The following FHIT variants were observed in gnomAD, a reference collection of about 807,000 sequenced individuals.
The protein encoded by FHIT is bis(5'-adenosyl)-triphosphatase.
A neutral mutation model predicts 17.9 loss-of-function variants in FHIT; 19 were observed. The ratio of observed to expected loss-of-function variants is 1.06; its 90% confidence interval spans 0.74 to 1.56. The LOEUF is 1.56. Among genes scored for constraint, FHIT ranks in the 40% most tolerant of loss-of-function variants. The probability of loss-of-function intolerance (pLI) is 0.00; values close to 1 mark genes in which losing one functional copy is unlikely to be tolerated. For missense variants in FHIT, 248 were observed against 189.2 expected, an observed-to-expected ratio of 1.31 and a Z score of -1.82; for synonymous variants, 81 against 69.7, an observed-to-expected ratio of 1.16 and a Z score of -0.81.
chr3:59,752,205 G>T lies in FHIT; in HGVS notation c.*5+16C>A. The T allele has an allele frequency of 2.5e-6, 4 of 1,582,536 alleles. No individual in the cohort carries two copies. The highest frequency in any genetic ancestry group is 2.6e-6 in the Non-Finnish European group (3 of 1,154,062). ...CCCACGGGAGGGTCTGGGTAATGAC[G>T]AAATGCAGTCTTTACCTGTGTCACT... On this transcript the variant is annotated intron_variant, in intron 9 of 9. Coordinates refer to ENST00000492590, the MANE Select transcript of FHIT (RefSeq NM_002012.4).
intron 4 of FHIT, among the ~76,000 whole-genome samples, chr3:60,734,915 T>C (rs1401048188): frequency 6.6e-6 from 1 of 152,242 alleles, no homozygotes; most frequent in African/African-American, 2.4e-5. Context: ...AAATAAATTG[T>C]TATAATTGTA....
At chr3:61,247,753 A>G (rs2040522037) in intron 1 of FHIT, among the ~76,000 whole-genome samples, 1 of 152,250 alleles carries the variant, frequency 6.6e-6, no homozygotes, top group Non-Finnish European at 1.5e-5. Context: ...GAATTTTCAT[A>G]TATCAGGCTT....
At chr3:61,017,751 A>T (rs1575845327) in intron 3 of FHIT, among the ~76,000 whole-genome samples, 1 of 152,356 alleles carries the variant, frequency 6.6e-6, no homozygotes, top group African/African-American at 2.4e-5. Flanking sequence ...GAGGGGCATT[A>T]TCTTCTTCCA....
intron 5 of FHIT, among the ~76,000 whole-genome samples, chr3:60,028,871 C>T (rs780558221): frequency 6.6e-6 from 1 of 152,058 alleles, no homozygotes; most frequent in Non-Finnish European, 1.5e-5. Context: ...TTTTAAAAAA[C>T]GTCCTATTTC....
intron 2 of FHIT, among the ~76,000 whole-genome samples, chr3:61,058,645 T>G (rs975830254): frequency 6.6e-6 from 1 of 152,188 alleles, no homozygotes; most frequent in Non-Finnish European, 1.5e-5. Context: ...CTTCACCTTC[T>G]ACCTGAGGCC....
At chr3:60,525,659 G>A (rs186764731) in intron 5 of FHIT, among the ~76,000 whole-genome samples, 56 of 152,236 alleles carry the variant, frequency 3.7e-4, no homozygotes, top group South Asian at 2.1e-3. Flanking sequence ...TAAAATTCTA[G>A]TCTTGGTTCT....
rs561746702 is a variant in FHIT, at chr3:61,215,508, T to C, written c.-212-14843A>G. Among the ~76,000 whole-genome samples the C allele has an allele frequency of 1.8e-4, 27 of 152,218 alleles. No homozygotes were observed. The South Asian group carries it at 5.6e-3, about 32-fold the overall frequency. On this transcript the variant is annotated intron_variant, in intron 1 of 9. Coordinates refer to ENST00000492590, the MANE Select transcript of FHIT (RefSeq NM_002012.4). ...TGAAATAAAAGACGATACAAACAAA[T>C]GGAAGAACATTCTATGCTCATGGGT...
At chr3:60,032,166 A>C (rs66585630) in intron 5 of FHIT, among the ~76,000 whole-genome samples, 27,454 of 152,178 alleles carry the variant, frequency 0.18, 2,765 homozygotes, top group Non-Finnish European at 0.23. Flanking sequence ...ACTGGTATTA[A>C]ATAACATGAA....
intron 5 of FHIT, among the ~76,000 whole-genome samples, chr3:60,274,165 C>G (rs1300004247): frequency 6.6e-6 from 1 of 152,072 alleles, no homozygotes; most frequent in Non-Finnish European, 1.5e-5. Context: ...CAGGGTTACA[C>G]GATTTTATAA....
At chr3:61,036,595 G>A (rs551764429) in intron 3 of FHIT, among the ~76,000 whole-genome samples, 3 of 152,106 alleles carry the variant, frequency 2.0e-5, no homozygotes, top group Non-Finnish European at 4.4e-5. Flanking sequence ...TCTATCTGTT[G>A]TCTTGTAAAG....
intron 5 of FHIT, among the ~76,000 whole-genome samples, chr3:60,332,514 T>C (rs981192418): frequency 6.6e-6 from 1 of 152,212 alleles, no homozygotes; most frequent in African/African-American, 2.4e-5. Flanking sequence ...ACTAGCTGGA[T>C]CATTCTTTTC....
At chr3:59,819,300 A>G (rs1017134078) in intron 8 of FHIT, among the ~76,000 whole-genome samples, 1 of 152,188 alleles carries the variant, frequency 6.6e-6, no homozygotes, top group Non-Finnish European at 1.5e-5. Context: ...TTACATACCA[A>G]TTTCTCGAGG....
At chr3:61,229,461 T>G (rs1479671217) in intron 1 of FHIT, among the ~76,000 whole-genome samples, 1 of 152,192 alleles carries the variant, frequency 6.6e-6, no homozygotes, top group Non-Finnish European at 1.5e-5. Context: ...ATTTCTGTTG[T>G]TTTAAGCCAC....
At chr3:60,154,386 C>A (rs1246640986) in intron 5 of FHIT, among the ~76,000 whole-genome samples, 1 of 152,162 alleles carries the variant, frequency 6.6e-6, no homozygotes, top group Non-Finnish European at 1.5e-5. Flanking sequence ...CCGAAAAATT[C>A]TGCTTTAGAA....
intron 5 of FHIT, among the ~76,000 whole-genome samples, chr3:60,519,920 T>C (rs144918798): frequency 3.2e-4 from 49 of 152,292 alleles, no homozygotes; most frequent in Middle Eastern, 6.8e-3. Context: ...AGCTCAGAGA[T>C]GATTAGTGTC....
intron 4 of FHIT, among the ~76,000 whole-genome samples, chr3:60,704,243 T>C (rs548493871): frequency 7.2e-5 from 11 of 152,174 alleles, no homozygotes; most frequent in Non-Finnish European, 5.9e-5. Flanking sequence ...CCTAGATGGT[T>C]TGTCTTCAAG....
intron 4 of FHIT, among the ~76,000 whole-genome samples, chr3:60,716,636 G>A (rs551860932): frequency 6.6e-6 from 1 of 152,114 alleles, no homozygotes; most frequent in Admixed American, 6.5e-5. Context: ...ATAAGTAGAA[G>A]TACATGCTAA....
intron 5 of FHIT, among the ~76,000 whole-genome samples, chr3:60,160,662 A>C (rs1011001241): frequency 5.9e-5 from 9 of 152,180 alleles, no homozygotes; most frequent in Admixed American, 5.9e-4. Context: ...AAAGACATTA[A>C]CAAAAGTGAC....
chr3:61,145,835 G>C (rs2107022869), intron 2 of FHIT, among the ~76,000 whole-genome samples: 1 of 152,036 alleles, frequency 6.6e-6, no homozygotes, highest in Middle Eastern at 3.4e-3. Flanking sequence ...ATAGAAATAA[G>C]ATTTATTTTT....
Sources: gnomAD v4.1 joint callset for allele counts (sites outside exome capture counted in the v4.1 genomes callset) on GRCh38, gnomAD v4.1.1 for gene constraint, MANE v1.5 for transcripts, NCBI Gene and HGNC (gene_info 2026-07-23, HGNC 2026-07-21) for gene names.